Variants in PRKCA observed in about 807,000 individuals in gnomAD.
The protein encoded by PRKCA is protein kinase C alpha type.
In PRKCA, 27 loss-of-function variants were observed where a neutral mutation model predicts 87.0. That is an observed-to-expected ratio of 0.31 (90% CI 0.23 to 0.43). The LOEUF (loss-of-function observed/expected upper bound fraction) is 0.43. PRKCA is among the 20% of genes least tolerant of loss of function. The pLI is 1.00. For synonymous variants in PRKCA, 329 were observed against 311.1 expected (o/e 1.06, Z -0.61); for missense variants, 518 against 852.3 (o/e 0.61, Z 4.88).
At chr17:66,759,288 A>G (rs542052296) in intron 13 of PRKCA, among the ~76,000 whole-genome samples, 21 of 152,084 alleles carry the variant, frequency 1.4e-4, no homozygotes, top group South Asian at 8.3e-4. Context: ...CCCGGGAGGC[A>G]GAGCTTGCAG....
intron 3 of PRKCA, among the ~76,000 whole-genome samples, chr17:66,626,502 C>T (rs1043429656): frequency 1.3e-5 from 2 of 151,460 alleles, no homozygotes; most frequent in Admixed American, 6.6e-5. Flanking sequence ...GCTGGGACTA[C>T]AGGCACCCAC....
intron 2 of PRKCA, among the ~76,000 whole-genome samples, chr17:66,442,030 G>C (rs532433165): frequency 6.6e-6 from 1 of 151,646 alleles, no homozygotes; most frequent in South Asian, 2.1e-4. Context: ...TTTTTATATA[G>C]CATCATGTTT....
At chr17:66,409,342 T>C (rs1044261777) in intron 2 of PRKCA, among the ~76,000 whole-genome samples, 6 of 152,168 alleles carry the variant, frequency 3.9e-5, no homozygotes, top group African/African-American at 1.4e-4. Flanking sequence ...TATTTTTGCA[T>C]ACAAGGCAGG....
At chr17:66,645,221 G>A (rs1971420302) in intron 4 of PRKCA, among the ~76,000 whole-genome samples, 162 bp from the exon 5 acceptor site, 1 of 152,192 alleles carries the variant, frequency 6.6e-6, no homozygotes, top group Non-Finnish European at 1.5e-5. Flanking sequence ...AGCCTGTGCT[G>A]TACAGGACAT....
At chr17:66,398,692 G>A (rs1050648668) in intron 2 of PRKCA, among the ~76,000 whole-genome samples, 2 of 152,136 alleles carry the variant, frequency 1.3e-5, no homozygotes, top group African/African-American at 2.4e-5. Context: ...AGAGTCGGAA[G>A]CATATGTAAT....
intron 3 of PRKCA, among the ~76,000 whole-genome samples, chr17:66,613,282 G>T (rs1381050784): frequency 6.6e-6 from 1 of 152,156 alleles, no homozygotes; most frequent in Non-Finnish European, 1.5e-5. Flanking sequence ...GTGGTTTTTG[G>T]AGGAAGGAAA....
At chr17:66,785,573 C>T in intron 14 of PRKCA, among the ~76,000 whole-genome samples, 1 of 152,186 alleles carries the variant, frequency 6.6e-6, no homozygotes, top group Non-Finnish European at 1.5e-5. Context: ...GAACGCTTTC[C>T]TCCTGTGCCA....
intron 2 of PRKCA, among the ~76,000 whole-genome samples, chr17:66,392,352 C>T (rs533807212): frequency 3.3e-5 from 5 of 152,054 alleles, no homozygotes; most frequent in South Asian, 2.1e-4. Context: ...GAAGGTAACA[C>T]GTATGCTGTG....
chr17:66,719,517 TC>T (rs1277236498), intron 8 of PRKCA, among the ~76,000 whole-genome samples: 1 of 152,244 alleles, frequency 6.6e-6, no homozygotes, highest in East Asian at 1.9e-4. Context: ...ACATCTGCAA[TC>T]CCAGCACTTT....
intron 3 of PRKCA, among the ~76,000 whole-genome samples, chr17:66,562,095 A>G (rs1297542007): frequency 8.7e-6 from 1 of 114,420 alleles, no homozygotes; most frequent in Non-Finnish European, 1.8e-5. Context: ...AATTAAATAT[A>G]TATAATTAAA....
At chr17:66,799,682 ATGGTGG>A (rs1053366645) in intron 16 of PRKCA, among the ~76,000 whole-genome samples, 1 of 122,370 alleles carries the variant, frequency 8.2e-6, no homozygotes, top group Admixed American at 7.9e-5. Flanking sequence ...GGTGGTGGTA[ATGGTGG>A]TGGTGGTGGT....
chr17:66,337,115 G>A (rs1906747416), intron 2 of PRKCA, among the ~76,000 whole-genome samples: 1 of 151,942 alleles, frequency 6.6e-6, no homozygotes, highest in African/African-American at 2.4e-5. Flanking sequence ...TATTGATGTA[G>A]GAATCTGTTT....
intron 3 of PRKCA, among the ~76,000 whole-genome samples, chr17:66,551,379 C>G (rs1476675724): frequency 1.3e-5 from 2 of 152,222 alleles, no homozygotes; most frequent in African/African-American, 4.8e-5. Context: ...GGGGCTGCGG[C>G]CATCTCAAGA....
At chr17:66,345,526 C>T (rs918495235) in intron 2 of PRKCA, among the ~76,000 whole-genome samples, 2 of 152,148 alleles carry the variant, frequency 1.3e-5, no homozygotes, top group Non-Finnish European at 2.9e-5. Flanking sequence ...TTGAGCCTCC[C>T]GAGGGATGCA....
At chr17:66,388,265 T>C (rs1283869766) in intron 2 of PRKCA, among the ~76,000 whole-genome samples, 1 of 152,146 alleles carries the variant, frequency 6.6e-6, no homozygotes, top group African/African-American at 2.4e-5. Flanking sequence ...ATTTTGAAGA[T>C]AGAGATATCT....
At chr17:66,427,117 C>T (rs991773926) in intron 2 of PRKCA, among the ~76,000 whole-genome samples, 15 of 152,080 alleles carry the variant, frequency 9.9e-5, no homozygotes, top group African/African-American at 3.6e-4. Flanking sequence ...CTGCAACCTC[C>T]ACCTCCCGGG....
At chr17:66,383,958 A>C (rs1391510098) in intron 2 of PRKCA, among the ~76,000 whole-genome samples, 2 of 152,178 alleles carry the variant, frequency 1.3e-5, no homozygotes, top group Non-Finnish European at 2.9e-5. Flanking sequence ...TCAAAAAAAA[A>C]AAAATTGTTT....
At chr17:66,684,323 A>G (rs1323946028) in intron 5 of PRKCA, among the ~76,000 whole-genome samples, 1 of 152,194 alleles carries the variant, frequency 6.6e-6, no homozygotes, top group Non-Finnish European at 1.5e-5. Context: ...AGATGAGGAA[A>G]CTTAGGAAGA....
rs1975971814 is a variant in PRKCA at position 66,804,186 on chromosome 17, A to G, written c.*149A>G. The G allele has an allele frequency of 8.4e-6, 9 of 1,076,656 alleles. No homozygotes were observed. The highest frequency in any genetic ancestry group is 1.2e-5 in the Non-Finnish European group (9 of 776,926). 66.7% of individuals were successfully genotyped at this position (1,076,656 alleles called of 1,614,324 possible). ...TTGTAGGGTTATTAGTCCAAATGTG[A>G]TCAACTGTTCAGGGTCTCTCTCTTA... On this transcript the variant is annotated 3_prime_UTR_variant, in exon 17 of 17. Coordinates refer to ENST00000413366, the MANE Select transcript of PRKCA (RefSeq NM_002737.3).
Sources: allele counts gnomAD v4.1 joint callset (sites outside exome capture counted in the v4.1 genomes callset), GRCh38; gene constraint gnomAD v4.1.1; transcripts MANE v1.5; gene names NCBI Gene and HGNC (gene_info 2026-07-23, HGNC 2026-07-21).